SEMA5B: variants seen among roughly 807,000 people sequenced by gnomAD.
SEMA5B encodes the protein semaphorin-5B.
A neutral mutation model predicts 135.0 loss-of-function variants in SEMA5B; 66 were observed. The observed-to-expected ratio is 0.49, with a 90% CI of 0.40 to 0.60. The LOEUF is 0.60. Among genes scored for constraint, SEMA5B ranks in the 20% least tolerant of loss-of-function variants. The probability of loss-of-function intolerance (pLI) is 0.00; values close to 1 mark genes in which losing one functional copy is unlikely to be tolerated. For missense variants in SEMA5B, 1,501 were observed against 1,566.3 expected, an observed-to-expected ratio of 0.96 and a Z score of 0.70; for synonymous variants, 690 against 639.5, an observed-to-expected ratio of 1.08 and a Z score of -1.19.
intron 5 of SEMA5B, among the ~76,000 whole-genome samples, chr3:122,930,525 C>T (rs938845919): frequency 8.5e-5 from 13 of 152,184 alleles, no homozygotes; most frequent in Admixed American, 5.9e-4. Flanking sequence ...AAAAGAGCAA[C>T]GAGCCACAAA....
intron 2 of SEMA5B, among the ~76,000 whole-genome samples, chr3:122,954,417 G>A (rs887356609): frequency 2.6e-5 from 4 of 152,206 alleles, no homozygotes; most frequent in African/African-American, 4.8e-5. Flanking sequence ...ACTTAATCCC[G>A]TTGGAGTTGT....
chr3:122,918,264 G>T (rs995538283), intron 12 of SEMA5B, among the ~76,000 whole-genome samples: 61 of 152,342 alleles, frequency 4.0e-4, no homozygotes, highest in African/African-American at 1.3e-3. Flanking sequence ...AATGCAATTG[G>T]CCTCTTGCTC....
At chr3:122,995,824 T>C (rs1364063712) in intron 1 of SEMA5B, among the ~76,000 whole-genome samples, 2 of 152,244 alleles carry the variant, frequency 1.3e-5, no homozygotes, top group Admixed American at 1.3e-4. Flanking sequence ...ACTGTTTACT[T>C]TTCAGCAGCA....
At chr3:122,936,867 G>C (rs1313623860) in intron 5 of SEMA5B, among the ~76,000 whole-genome samples, 1 of 152,238 alleles carries the variant, frequency 6.6e-6, no homozygotes, top group Admixed American at 6.5e-5. Flanking sequence ...TTGGGAAGGA[G>C]CTGGGCATTC....
At chr3:123,000,603 G>A (rs1172262807) in intron 1 of SEMA5B, among the ~76,000 whole-genome samples, 3 of 152,286 alleles carry the variant, frequency 2.0e-5, no homozygotes, top group African/African-American at 4.8e-5. Flanking sequence ...CAGGGTGCAG[G>A]TGAGGAGACA....
At chr3:122,984,902 C>G (rs1054940958) in intron 1 of SEMA5B, among the ~76,000 whole-genome samples, 3 of 152,020 alleles carry the variant, frequency 2.0e-5, no homozygotes, top group African/African-American at 7.3e-5. Context: ...AATAATTTCC[C>G]CCTGTTTCTC....
Position 122,924,051 on chromosome 3 carries a change from C to T in SEMA5B, c.1137-299G>A, listed in dbSNP as rs146261152. Among the ~76,000 whole-genome samples, 37 of 152,156 alleles carry T rather than the reference C, an allele frequency of 2.4e-4. 2 individuals are homozygous for T. The East Asian group carries it at 5.6e-3, about 23-fold the overall frequency. The stretch of plus-strand genomic sequence containing the variant: ...CTTTCAAACATTGTAGTCCATGGAC[C>T]GTGGTAAGAGATATATTTTACCCTA... On this transcript the variant is annotated intron_variant, in intron 9 of 22. Coordinates refer to ENST00000357599, the MANE Select transcript of SEMA5B (RefSeq NM_001031702.4).
intron 9 of SEMA5B, 105 bp from the exon 10 acceptor site, chr3:122,923,857 G>T: frequency 7.6e-7 from 1 of 1,319,342 alleles, no homozygotes; most frequent in Non-Finnish European, 1.1e-6. Context: ...GGCTCTGTAA[G>T]CATCTATGAT....
intron 2 of SEMA5B, among the ~76,000 whole-genome samples, chr3:122,954,996 T>G (rs1940221904): frequency 6.7e-6 from 1 of 148,724 alleles, no homozygotes; most frequent in South Asian, 2.1e-4. Flanking sequence ...AGAAACAGAG[T>G]CCACTGTGTT....
At chr3:122,996,175 T>A (rs533733436) in intron 1 of SEMA5B, among the ~76,000 whole-genome samples, 1 of 152,300 alleles carries the variant, frequency 6.6e-6, no homozygotes, top group African/African-American at 2.4e-5. Context: ...GCAGCTCTTC[T>A]CCAACACACA....
At chr3:122,956,589 A>C (rs542140837) in intron 2 of SEMA5B, among the ~76,000 whole-genome samples, 1 of 152,204 alleles carries the variant, frequency 6.6e-6, no homozygotes, top group South Asian at 2.1e-4. Context: ...ACAGAGGCTA[A>C]GAGAGTGTGT....
Position 122,926,718 on chromosome 3 carries a change from C to T in SEMA5B, c.851-41G>A, listed in dbSNP as rs191596108. 4.3e-4 allele frequency: 687 copies of T among 1,594,196 alleles called. 5 individuals are homozygous for T. The African/African-American group carries it at 5.6e-3, about 13-fold the overall frequency. Reference sequence around the variant, plus strand: ...AGGAACAAGGGGCAGGGCAGGCCAGCGGGGAAGAAGATGGCAGAGTCGGGA... The same window carrying T: ...AGGAACAAGGGGCAGGGCAGGCCAGTGGGGAAGAAGATGGCAGAGTCGGGA... On this transcript the variant is annotated intron_variant, in intron 8 of 22. Coordinates refer to ENST00000357599, the MANE Select transcript of SEMA5B (RefSeq NM_001031702.4).
chr3:122,975,856 A>G, intron 1 of SEMA5B: 7 of 1,148,370 alleles, frequency 6.1e-6, no homozygotes, highest in Non-Finnish European at 7.3e-6. Flanking sequence ...TGCCTACACA[A>G]CCAAATCCAA....
chr3:122,971,760 A>G (rs1941132272), intron 1 of SEMA5B, among the ~76,000 whole-genome samples: 1 of 152,248 alleles, frequency 6.6e-6, no homozygotes, highest in African/African-American at 2.4e-5. Flanking sequence ...CGGCACGGTG[A>G]GAAGAGCATG....
intron 1 of SEMA5B, among the ~76,000 whole-genome samples, chr3:122,966,706 C>T (rs1301523447): frequency 6.6e-6 from 1 of 150,504 alleles, no homozygotes; most frequent in Non-Finnish European, 1.5e-5. Flanking sequence ...AGGCCCCCGC[C>T]ACCGCGCCCA....
At chr3:122,943,930 C>T (rs552331630) in intron 3 of SEMA5B, among the ~76,000 whole-genome samples, 1 of 152,314 alleles carries the variant, frequency 6.6e-6, no homozygotes, top group East Asian at 1.9e-4. Flanking sequence ...CCACCACCAG[C>T]TCTTGTCTGG....
At chr3:122,913,705 A>G (rs1425886541) in intron 15 of SEMA5B, 24 bp from the exon 16 acceptor site, 3 of 1,609,818 alleles carry the variant, frequency 1.9e-6, no homozygotes, top group Admixed American at 1.7e-5. Context: ...AGAGGCGTCA[A>G]TCCAGGGAGG....
intron 1 of SEMA5B, among the ~76,000 whole-genome samples, chr3:122,983,050 G>A (rs1472345413): frequency 1.3e-5 from 2 of 152,074 alleles, no homozygotes; most frequent in African/African-American, 4.8e-5. Context: ...CAGCTGGCCA[G>A]GCAGGGCGGC....
Position 122,993,515 on chromosome 3 carries a change from G to A in SEMA5B, c.-38-32214C>T, listed in dbSNP as rs185549389. 1.7e-3 allele frequency among the ~76,000 whole-genome samples: 254 copies of A among 152,296 alleles called. 1 individual carries two copies. Among genetic ancestry groups the A allele is most frequent in the Non-Finnish European group, 2.5e-3 (169 of 68,036 alleles). On this transcript the variant is annotated intron_variant, in intron 1 of 22. Transcript: ENST00000357599. The stretch of plus-strand genomic sequence containing the variant: ...GCCCTGGCTTAGAGAGTGAGACAGC[G>A]AGGAAGAGAAAGAGTGTGTGTAAGA...
Sources: allele counts gnomAD v4.1 joint callset (sites outside exome capture counted in the v4.1 genomes callset), GRCh38; gene constraint gnomAD v4.1.1; transcripts MANE v1.5; gene names NCBI Gene and HGNC (gene_info 2026-07-23, HGNC 2026-07-21).